Variants in KLF8 observed in about 807,000 individuals in gnomAD.
KLF8 encodes the protein Krueppel-like factor 8.
KLF8 carries 10 observed loss-of-function variants against 18.2 expected under a neutral mutation model. The observed-to-expected ratio is 0.55, with a 90% CI of 0.34 to 0.93. The LOEUF is 0.93. KLF8 is among the 40% of genes least tolerant of loss of function. The probability of loss-of-function intolerance (pLI) is 0.02; values close to 1 mark genes in which losing one functional copy is unlikely to be tolerated. For missense variants in KLF8, 264 were observed against 277.9 expected (o/e 0.95, Z 0.36); for synonymous variants, 109 against 97.3 (o/e 1.12, Z -0.71).
At chrX:56,219,024 T>A in the KLF8 span, among the ~76,000 whole-genome samples, 1 of 112,216 alleles carries the variant, frequency 8.9e-6, no homozygotes, top group East Asian at 2.8e-4. Flanking sequence ...AACAACATTT[T>A]TTTAACAAGC....
chrX:56,065,948 G>A, the KLF8 span, among the ~76,000 whole-genome samples: 1 of 111,544 alleles, frequency 9.0e-6, no homozygotes, highest in Non-Finnish European at 1.9e-5. Context: ...GATTTAGTGT[G>A]CCTAGTTTTG....
the KLF8 span, among the ~76,000 whole-genome samples, chrX:56,073,650 A>G: frequency 9.0e-6 from 1 of 111,325 alleles, no homozygotes; most frequent in Non-Finnish European, 1.9e-5. Context: ...CCTTACCAAC[A>G]CTTATTTTCC....
the KLF8 span, among the ~76,000 whole-genome samples, chrX:56,155,367 A>C: frequency 1.9e-4 from 21 of 111,323 alleles, no homozygotes; most frequent in Non-Finnish European, 2.6e-4. Context: ...AAAAAACCAA[A>C]CATCACATGT....
chrX:55,976,148 C>A, the KLF8 span, among the ~76,000 whole-genome samples: 4 of 112,091 alleles, frequency 3.6e-5, no homozygotes, highest in Non-Finnish European at 7.5e-5. Flanking sequence ...TTTCATATAT[C>A]TATACATTGT....
chrX:56,259,759 C>T (rs182523241), intron 2 of KLF8, among the ~76,000 whole-genome samples: 1 of 110,727 alleles, frequency 9.0e-6, no homozygotes, highest in East Asian at 2.8e-4. Flanking sequence ...TTGCCACATC[C>T]TTGCCATCAA....
the KLF8 span, among the ~76,000 whole-genome samples, chrX:56,125,578 A>C: frequency 1.8e-5 from 2 of 111,854 alleles, no homozygotes; most frequent in East Asian, 5.6e-4. Flanking sequence ...TTCTTATGAG[A>C]AGGTGTTTCC....
At chrX:56,244,909 GTTC>G (rs2066601941) in intron 1 of KLF8, among the ~76,000 whole-genome samples, 1 of 91,323 alleles carries the variant, frequency 1.1e-5, no homozygotes, top group Admixed American at 1.2e-4. Context: ...CCTTAAATGT[GTTC>G]TTCTTTTAGC....
chrX:55,925,022 ATT>A, the KLF8 span, among the ~76,000 whole-genome samples: 10 of 86,431 alleles, frequency 1.2e-4, no homozygotes, highest in Admixed American at 1.3e-4. Context: ...CGCCCAGCTA[ATT>A]TTTTTTTTTT....
chrX:55,968,022 A>G, the KLF8 span, among the ~76,000 whole-genome samples: 5 of 111,779 alleles, frequency 4.5e-5, no homozygotes, highest in African/African-American at 1.6e-4. Flanking sequence ...GAAACATACA[A>G]TAGATACACA....
At chrX:56,175,547 G>A in the KLF8 span, among the ~76,000 whole-genome samples, 2 of 111,873 alleles carry the variant, frequency 1.8e-5, no homozygotes, top group East Asian at 5.6e-4. Context: ...TAAGTACAGT[G>A]TGGTACTGAG....
At chrX:56,124,186 T>A in the KLF8 span, among the ~76,000 whole-genome samples, 1 of 111,910 alleles carries the variant, frequency 8.9e-6, no homozygotes, top group African/African-American at 3.2e-5. Context: ...TGTTTCTCCC[T>A]AATGCTTTTT....
At chrX:56,178,703 G>T in the KLF8 span, among the ~76,000 whole-genome samples, 1 of 111,920 alleles carries the variant, frequency 8.9e-6, no homozygotes, top group Non-Finnish European at 1.9e-5. Context: ...TCTACATATG[G>T]CTAGCCAGTT....
chrX:56,233,244 G>A lies in KLF8; in HGVS notation c.-91G>A. 1 of 1,126,850 alleles carries A rather than the reference G, an allele frequency of 8.9e-7. No homozygotes were observed. The highest frequency in any genetic ancestry group is 1.2e-6 in the Non-Finnish European group (1 of 821,464). The allele number at this position is 1,126,850 out of a possible 1,213,427, so 92.9% of individuals were successfully genotyped here. A position where few individuals can be genotyped will look rare whatever the true frequency, so the allele number is the denominator to read the frequency against. On this transcript the variant is annotated 5_prime_UTR_variant, in exon 1 of 6. Coordinates refer to ENST00000468660, the MANE Select transcript of KLF8 (RefSeq NM_007250.5). The stretch of plus-strand genomic sequence containing the variant: ...TATGTCAGAATGGGGCGGGTGTGAG[G>A]GGAACAGCTCTCTTGCGATCAGCTC...
rs1056354592 is a variant in KLF8 at position 56,289,983 on chromosome X, G to A, written c.*5489G>A. On this transcript the variant is annotated 3_prime_UTR_variant, in exon 6 of 6. Transcript: ENST00000468660. ...CTTAAATAAGCCAAGGGAACTTACT[G>A]ATGCTCCACAGTTTGCTAATTCTTG... 3.6e-5 allele frequency among the ~76,000 whole-genome samples: 4 copies of A among 111,597 alleles called. No homozygotes were observed. Among genetic ancestry groups the A allele is most frequent in the Non-Finnish European group, 5.7e-5 (3 of 53,082 alleles).
the KLF8 span, among the ~76,000 whole-genome samples, chrX:56,011,648 GA>G: frequency 2.7e-5 from 3 of 110,569 alleles, no homozygotes; most frequent in African/African-American, 9.8e-5. Flanking sequence ...AAAAACCCTT[GA>G]AAAAAATTCA....
chrX:56,135,811 C>CT, the KLF8 span, among the ~76,000 whole-genome samples: 1 of 112,017 alleles, frequency 8.9e-6, no homozygotes, highest in African/African-American at 3.2e-5. Flanking sequence ...TCAAGAAATT[C>CT]TTTGAAACCA....
chrX:56,081,274 GT>G, the KLF8 span, among the ~76,000 whole-genome samples: 3 of 111,428 alleles, frequency 2.7e-5, no homozygotes, highest in Non-Finnish European at 5.7e-5. Flanking sequence ...CATCTTTGTG[GT>G]TTTATCTACT....
the KLF8 span, among the ~76,000 whole-genome samples, chrX:56,080,580 C>T: frequency 1.8e-5 from 2 of 111,489 alleles, no homozygotes; most frequent in South Asian, 3.8e-4. Flanking sequence ...CTGCCCTTAA[C>T]ATTTTTTCCT....
chrX:56,050,197 G>C, the KLF8 span, among the ~76,000 whole-genome samples: 2 of 110,658 alleles, frequency 1.8e-5, no homozygotes, highest in Admixed American at 1.9e-4. Flanking sequence ...TATCAATTTT[G>C]TTGATCCTTT....
Sources: allele counts gnomAD v4.1 joint callset (sites outside exome capture counted in the v4.1 genomes callset), GRCh38; gene constraint gnomAD v4.1.1; transcripts MANE v1.5; gene names NCBI Gene and HGNC (gene_info 2026-07-23, HGNC 2026-07-21).